ARID4A: variants seen among roughly 807,000 people sequenced by gnomAD.
ARID4A encodes the protein AT-rich interaction domain 4A.
Under a neutral mutation model 148.6 loss-of-function variants are expected in ARID4A, and 39 were observed. The ratio of observed to expected loss-of-function variants is 0.26; its 90% CI spans 0.20 to 0.34. The LOEUF (loss-of-function observed/expected upper bound fraction) is 0.34, where lower values mean the gene tolerates loss of function less well. Among genes scored for constraint, ARID4A ranks in the 10% least tolerant of loss-of-function variants. The probability of loss-of-function intolerance (pLI) is 1.00; values close to 1 mark genes in which losing one functional copy is unlikely to be tolerated. For synonymous variants in ARID4A, 475 were observed against 481.2 expected (o/e 0.99, Z 0.17); for missense variants, 1,265 against 1,449.1 (o/e 0.87, Z 2.06).
intron 8 of ARID4A, among the ~76,000 whole-genome samples, chr14:58,326,443 A>C (rs1431171001): frequency 6.6e-5 from 10 of 152,232 alleles, no homozygotes; most frequent in African/African-American, 2.4e-4. Context: ...TCTCAGAAAA[A>C]AAAGTAGGAA....
intron 23 of ARID4A, among the ~76,000 whole-genome samples, chr14:58,370,995 T>C (rs888868175): frequency 1.3e-5 from 2 of 152,124 alleles, no homozygotes; most frequent in African/African-American, 4.8e-5. Flanking sequence ...GTAGCATACA[T>C]GTAAGAATTT....
chr14:58,371,551 T>C lies in ARID4A; in HGVS notation c.3671-335T>C, dbSNP rs113456513. 1.1e-3 allele frequency among the ~76,000 whole-genome samples: 171 copies of C among 152,312 alleles called. 2 individuals carry two copies. Among genetic ancestry groups the C allele is most frequent in the African/African-American group, 4.1e-3 (169 of 41,580 alleles). On this transcript the variant is annotated intron_variant, in intron 23 of 23. Transcript: ENST00000355431. Reference sequence around the variant, plus strand: ...CCATAGATAAAGCAGAAATTCCATATGGTTCCATGTTTATCTCAGGTTGAC... The same window carrying C: ...CCATAGATAAAGCAGAAATTCCATACGGTTCCATGTTTATCTCAGGTTGAC...
At chr14:58,360,823 A>G (rs2035101308) in intron 18 of ARID4A, 78 bp from the exon 19 acceptor site, 1 of 1,424,910 alleles carries the variant, frequency 7.0e-7, no homozygotes, top group Non-Finnish European at 9.6e-7. Flanking sequence ...TTTGAGATGT[A>G]GTTTTCTTTG....
rs1461967295 is a variant in ARID4A at position 58,367,012 on chromosome 14, A to T, written c.3653A>T (p.Lys1218Ile). 4 of 1,495,548 alleles carry T rather than the reference A, an allele frequency of 2.7e-6. No individual in the cohort carries two copies. Among genetic ancestry groups the T allele is most frequent in the Non-Finnish European group, 3.5e-6 (4 of 1,129,354 alleles). 92.6% of individuals were successfully genotyped at this position (1,495,548 alleles called of 1,614,324 possible). ...ATIDRRRKRL[K>I]KKDREVSHAG... ...ATAGACAGGAGGAGAAAAAGATTAA[A>T]AAAGAAAGACAGGGAAGGTAATTTT... The change falls in exon 23 of 24, where the codon AAA becomes ATA. Residue 1218 changes from lysine (K) to isoleucine (I), a missense_variant. By Grantham distance (102) the Lys-to-Ile change is moderately radical (BLOSUM62 -3). Coordinates refer to ENST00000355431, the MANE Select transcript of ARID4A (RefSeq NM_002892.4).
chr14:58,353,229 A>C (rs2034716248), intron 16 of ARID4A, among the ~76,000 whole-genome samples: 1 of 152,200 alleles, frequency 6.6e-6, no homozygotes, highest in Non-Finnish European at 1.5e-5. Context: ...ACAAGGTGGC[A>C]CTTAAATATG....
chr14:58,347,724 TAA>T lies in ARID4A; in HGVS notation c.1253_1254del (p.Lys418ArgfsTer28). ...ACTGTTCATCACCATGAACCAAAAG[TAA>T]AAGAGGAAAAAAAAGACTTAGAAGA... On this transcript the variant is annotated frameshift_variant, in exon 15 of 24. Transcript: ENST00000355431. LOFTEE classifies it high-confidence loss of function. The T allele has an allele frequency of 6.2e-7, 1 of 1,613,232 alleles. No individual in the cohort carries two copies. The highest frequency in any genetic ancestry group is 8.5e-7 in the Non-Finnish European group (1 of 1,179,728).
chr14:58,318,567 A>G lies in ARID4A; in HGVS notation c.300A>G (p.Thr100=). The change falls in exon 6 of 24, where the codon ACA becomes ACG. Residue 100 remains threonine, a synonymous_variant. Transcript: ENST00000355431. ...TGTTTGATGATGGTGATGAGCGAAC[A>G]TTGAGACGTACCTCACTTTGTCTGA... ...TVVFDDGDER[T]LRRTSLCLKG... The G allele has an allele frequency of 1.4e-5, 23 of 1,614,198 alleles. No individual in the cohort carries two copies. Among genetic ancestry groups the G allele is most frequent in the Non-Finnish European group, 1.8e-5 (21 of 1,180,014 alleles).
intron 20 of ARID4A, 87 bp downstream of exon 20, chr14:58,365,387 ACTTT>A: frequency 6.8e-7 from 1 of 1,463,496 alleles, no homozygotes; most frequent in African/African-American, 1.4e-5. Context: ...TCTGTAAAGT[ACTTT>A]CTTTTTCTTT....
intron 5 of ARID4A, among the ~76,000 whole-genome samples, chr14:58,318,037 A>G (rs1468686188): frequency 6.6e-6 from 1 of 152,188 alleles, no homozygotes; most frequent in Non-Finnish European, 1.5e-5. Flanking sequence ...AAGAACTTGT[A>G]TCTTATGACT....
At chr14:58,345,225 A>G (rs1363951941) in intron 12 of ARID4A, among the ~76,000 whole-genome samples, 6 of 152,224 alleles carry the variant, frequency 3.9e-5, no homozygotes, top group African/African-American at 1.2e-4. Context: ...ACCTGACAGT[A>G]GTAAAATATT....
Position 58,334,436 on chromosome 14 carries a change from A to C in ARID4A, c.906+4267A>C, listed in dbSNP as rs370982571. ...CCTTACTATGAATATATCATCTCTT[A>C]TGTGAGCCCTGAAATTTTCTGTAGG... On this transcript the variant is annotated intron_variant, in intron 11 of 23. Coordinates refer to ENST00000355431, the MANE Select transcript of ARID4A (RefSeq NM_002892.4). 2.6e-5 allele frequency among the ~76,000 whole-genome samples: 4 copies of C among 152,322 alleles called. 1 individual carries two copies.
chr14:58,315,228 A>G (rs1284709130), intron 5 of ARID4A, among the ~76,000 whole-genome samples: 1 of 152,094 alleles, frequency 6.6e-6, no homozygotes, highest in African/African-American at 2.4e-5. Flanking sequence ...CTTTTGAGCA[A>G]TCTCTTTTTT....
At chr14:58,318,489 G>A in intron 5 of ARID4A, 53 bp from the exon 6 acceptor site, 2 of 1,537,656 alleles carry the variant, frequency 1.3e-6, no homozygotes, top group Middle Eastern at 1.7e-4. Context: ...GTGCTTTTAA[G>A]TTTTTATTTC....
intron 5 of ARID4A, among the ~76,000 whole-genome samples, chr14:58,307,515 T>A (rs1367777441): frequency 6.6e-6 from 1 of 152,206 alleles, no homozygotes; most frequent in African/African-American, 2.4e-5. Flanking sequence ...CTACTGATAG[T>A]TGTTAAATTT....
At chr14:58,323,676 T>G (rs891030143) in intron 8 of ARID4A, 59 bp downstream of exon 8, 54 of 1,453,968 alleles carry the variant, frequency 3.7e-5, no homozygotes, top group Non-Finnish European at 4.9e-5. Flanking sequence ...TTAAATGGAT[T>G]TTTTTAAAAG....
Position 58,344,574 on chromosome 14 carries a change from A to G in ARID4A, c.907-121A>G, listed in dbSNP as rs577768428. ...ATCTGTCATTGTAGGATATTGAGAA[A>G]ATTCAGATTTTTCAGCTTTATTAAA... On this transcript the variant is annotated intron_variant, in intron 11 of 23. Transcript: ENST00000355431. 3.8e-5 allele frequency: 25 copies of G among 662,114 alleles called. No individual in the cohort carries two copies. In the Middle Eastern group the frequency reaches 1.7e-3, roughly 46 times the overall value. The allele number at this position is 662,114 out of a possible 1,614,324, so 41.0% of individuals were successfully genotyped here.
At chr14:58,368,675 GTTTT>G (rs557161097) in intron 23 of ARID4A, among the ~76,000 whole-genome samples, 1 of 152,000 alleles carries the variant, frequency 6.6e-6, no homozygotes, top group Non-Finnish European at 1.5e-5. Context: ...AAGTGTTTGG[GTTTT>G]TTATTTTTTT....
At chr14:58,323,388 G>C in intron 7 of ARID4A, 97 bp from the exon 8 acceptor site, 1 of 1,379,224 alleles carries the variant, frequency 7.3e-7, no homozygotes, top group Non-Finnish European at 1.0e-6. Context: ...TTAGGGTGTA[G>C]TCCATTAGAA....
chr14:58,330,471 T>G (rs940012028), intron 11 of ARID4A, among the ~76,000 whole-genome samples: 2 of 152,196 alleles, frequency 1.3e-5, no homozygotes, highest in Non-Finnish European at 2.9e-5. Context: ...AATTTTTAGG[T>G]ATTTTATATG....
Sources: gnomAD v4.1 joint callset for allele counts (sites outside exome capture counted in the v4.1 genomes callset) on GRCh38, gnomAD v4.1.1 for gene constraint, MANE v1.5 for transcripts, NCBI Gene and HGNC (gene_info 2026-07-23, HGNC 2026-07-21) for gene names.